Variants in ARHGEF7 observed in about 807,000 individuals in gnomAD.
ARHGEF7 encodes the protein Rho guanine nucleotide exchange factor 7.
A neutral mutation model predicts 109.8 loss-of-function variants in ARHGEF7; 33 were observed. That is an observed-to-expected ratio of 0.30 (90% CI 0.23 to 0.40). The LOEUF is 0.40. Ranked by LOEUF, ARHGEF7 falls within the 10% of genes least tolerant of loss-of-function variation. The probability of loss-of-function intolerance (pLI) is 1.00; values close to 1 mark genes in which losing one functional copy is unlikely to be tolerated. For missense variants in ARHGEF7, 938 were observed against 1,098.5 expected (o/e 0.85, Z 2.07); for synonymous variants, 458 against 424.6 (o/e 1.08, Z -0.97).
chr13:111,121,987 G>A (rs1166336662), intron 1 of ARHGEF7, among the ~76,000 whole-genome samples: 1 of 152,196 alleles, frequency 6.6e-6, no homozygotes, highest in Admixed American at 6.5e-5. Context: ...CTTCCCCATC[G>A]TGTCCAGAAG....
At chr13:111,219,921 C>T (rs1023216336) in intron 5 of ARHGEF7, among the ~76,000 whole-genome samples, 4 of 152,120 alleles carry the variant, frequency 2.6e-5, no homozygotes, top group Non-Finnish European at 4.4e-5. Flanking sequence ...TAAAAAAATC[C>T]GTTCATGTGT....
intron 2 of ARHGEF7, among the ~76,000 whole-genome samples, chr13:111,187,720 G>A (rs1338371999): frequency 6.6e-6 from 1 of 152,296 alleles, no homozygotes; most frequent in Non-Finnish European, 1.5e-5. Context: ...AGTGGGGTGA[G>A]GCAAAGTCAC....
chr13:111,123,866 C>CCCA (rs1555339517), intron 1 of ARHGEF7, among the ~76,000 whole-genome samples: 1 of 55,520 alleles, frequency 1.8e-5, no homozygotes, highest in South Asian at 6.4e-4. Context: ...GGCTGCGCCC[C>CCCA]CCCCCCCCGG....
In ARHGEF7 at chr13:111,266,510, T is replaced by TA. The variant is rs2153583101; in HGVS notation, c.951-1037dup. ...AACTTTTATTCTGATGTGGAATGAC[T>TA]ATCATATTTCCTTTTTCTCCTTTGC... On this transcript the variant is annotated intron_variant, in intron 8 of 21. Transcript: ENST00000646102. The surrounding 1 kb of genome is among the most constrained non-coding windows in gnomAD (Gnocchi z 4.8). 6.6e-6 allele frequency among the ~76,000 whole-genome samples: 1 copy of TA among 152,364 alleles called. No homozygotes were observed. The highest frequency in any genetic ancestry group is 2.1e-4 in the South Asian group (1 of 4,824).
intron 5 of ARHGEF7, among the ~76,000 whole-genome samples, chr13:111,219,155 TC>T (rs1041152937): frequency 5.3e-5 from 8 of 152,200 alleles, no homozygotes; most frequent in Non-Finnish European, 1.2e-4. Context: ...TGAATTCTGT[TC>T]CCATTAAACA....
chr13:111,192,995 A>G (rs56253113), intron 2 of ARHGEF7, among the ~76,000 whole-genome samples: 3,645 of 152,292 alleles, frequency 0.024, 74 homozygotes, highest in Middle Eastern at 0.11. Flanking sequence ...GGGACTTATG[A>G]TGGACCAAGG....
At chr13:111,299,043 T>G (rs1345418711) in intron 19 of ARHGEF7, among the ~76,000 whole-genome samples, 1 of 152,224 alleles carries the variant, frequency 6.6e-6, no homozygotes, top group Non-Finnish European at 1.5e-5. Flanking sequence ...TCATCTTATC[T>G]TCTTATGCCC....
intron 2 of ARHGEF7, among the ~76,000 whole-genome samples, chr13:111,174,852 G>A (rs766398769): frequency 9.9e-5 from 15 of 152,234 alleles, no homozygotes; most frequent in South Asian, 2.1e-4. Flanking sequence ...TCAGCTAGGC[G>A]TGCGAGGACT....
chr13:111,253,093 C>CCTTA (rs1387582491), intron 8 of ARHGEF7, among the ~76,000 whole-genome samples: 3 of 152,334 alleles, frequency 2.0e-5, no homozygotes, highest in African/African-American at 7.2e-5. Context: ...GACAAGAAAG[C>CCTTA]CTTAGTGGGG....
At chr13:111,152,915 C>G (rs1228788476) in intron 1 of ARHGEF7, among the ~76,000 whole-genome samples, 8 of 152,214 alleles carry the variant, frequency 5.3e-5, no homozygotes, top group Non-Finnish European at 1.0e-4. Context: ...ACATGTGTTG[C>G]TGGTGGCCCT....
At chr13:111,277,521 T>C in intron 12 of ARHGEF7, 66 bp from the exon 13 acceptor site, 1 of 984,510 alleles carries the variant, frequency 1.0e-6, no homozygotes, top group Non-Finnish European at 1.6e-6. Flanking sequence ...AAGTGAAGTA[T>C]TTGTGCTCAC....
rs2075561843 is a variant in ARHGEF7, at chr13:111,145,812, G to T, written c.166-8093G>T. Among the ~76,000 whole-genome samples, 1 of 152,212 alleles carries T rather than the reference G, an allele frequency of 6.6e-6. No individual in the cohort carries two copies. Among genetic ancestry groups the T allele is most frequent in the Non-Finnish European group, 1.5e-5 (1 of 68,044 alleles). ...CAGGTTGGTGAAATCCACGGGCTGT[G>T]TAGTTTTGGACCTGACATTTCAGCT... On this transcript the variant is annotated intron_variant, in intron 1 of 21. Transcript: ENST00000646102. This position sits in a 1 kb window ranked among gnomAD's most constrained non-coding sequence, Gnocchi z 4.3.
rs1265329518 is a variant in ARHGEF7 at position 111,243,875 on chromosome 13, C to T, written c.763C>T (p.Leu255=). The stretch of plus-strand genomic sequence containing the variant: ...ACTTATTCATCATTTATTATAGGTG[C>T]TACAGAATATTTTAGAAACAGAAAA... ...AINKSYYNVV[L]QNILETENEY... The change falls in exon 7 of 22, where the codon CTA becomes TTA. Residue 255 remains leucine (L), a synonymous_variant. Transcript: ENST00000646102. The T allele has an allele frequency of 6.3e-7, 1 of 1,589,460 alleles. No individual in the cohort carries two copies. The highest frequency in any genetic ancestry group is 8.6e-7 in the Non-Finnish European group (1 of 1,159,990).
intron 21 of ARHGEF7, 46 bp from the exon 22 acceptor site, chr13:111,302,945 G>A (rs376278094): frequency 5.5e-5 from 89 of 1,608,052 alleles, no homozygotes; most frequent in Non-Finnish European, 6.7e-5. Flanking sequence ...GAAGCCCTAC[G>A]CGATGCCAAA....
At chr13:111,224,440 T>C (rs2153512413) in intron 5 of ARHGEF7, among the ~76,000 whole-genome samples, 1 of 152,340 alleles carries the variant, frequency 6.6e-6, no homozygotes, top group African/African-American at 2.4e-5. Context: ...GACTCAGGCT[T>C]TTTTAGATGA....
intron 6 of ARHGEF7, among the ~76,000 whole-genome samples, chr13:111,233,841 T>C (rs2086426107): frequency 6.6e-6 from 1 of 152,242 alleles, no homozygotes; most frequent in Non-Finnish European, 1.5e-5. Flanking sequence ...CAGTATGTGA[T>C]ACTAAATCTG....
At chr13:111,299,411 C>T (rs939398851) in intron 19 of ARHGEF7, among the ~76,000 whole-genome samples, 13 of 140,996 alleles carry the variant, frequency 9.2e-5, no homozygotes, top group Admixed American at 3.2e-4. Flanking sequence ...GGTGCAATCT[C>T]GGCTCACTGC....
At chr13:111,294,364 G>T in intron 19 of ARHGEF7, 1 of 985,416 alleles carries the variant, frequency 1.0e-6, no homozygotes. Context: ...CATGGGCTGT[G>T]TAGACCACAA....
chr13:111,281,348 T>C (rs1224375441), intron 15 of ARHGEF7, among the ~76,000 whole-genome samples: 1 of 152,092 alleles, frequency 6.6e-6, no homozygotes, highest in African/African-American at 2.4e-5. Context: ...GGCAGAGCTT[T>C]TAAAGAATGA....
Sources: allele counts gnomAD v4.1 joint callset (sites outside exome capture counted in the v4.1 genomes callset), GRCh38; gene constraint gnomAD v4.1.1; non-coding constraint Gnocchi (gnomAD v3.1); transcripts MANE v1.5; gene names NCBI Gene and HGNC (gene_info 2026-07-23, HGNC 2026-07-21).